Variants in ASB14 observed in about 807,000 individuals in gnomAD.
ASB14 encodes ankyrin repeat and SOCS box containing 14, also known as ankyrin repeat and SOCS box protein 14.
Under a neutral mutation model 55.6 loss-of-function variants are expected in ASB14, and 63 were observed. The ratio of observed to expected loss-of-function variants is 1.13; its 90% CI spans 0.92 to 1.40. The LOEUF is 1.40. Ranked by LOEUF, ASB14 falls within the 40% of genes most tolerant of loss-of-function variation. The probability of loss-of-function intolerance (pLI) is 0.00; values close to 1 mark genes in which losing one functional copy is unlikely to be tolerated. For synonymous variants in ASB14, 256 were observed against 259.9 expected, an observed-to-expected ratio of 0.98 and a Z score of 0.15; for missense variants, 724 against 710.4, an observed-to-expected ratio of 1.02 and a Z score of -0.22.
chr3:57,278,561 C>T lies in ASB14; in HGVS notation c.1247G>A (p.Cys416Tyr), dbSNP rs766847019. 10 of 1,614,080 alleles carry T rather than the reference C, an allele frequency of 6.2e-6. No homozygotes were observed. In the Admixed American group the frequency reaches 6.7e-5, roughly 11 times the overall value. The part of the protein sequence containing the change: ...LRHGANVNYF[C>Y]RVNPLHFPSA... The stretch of plus-strand genomic sequence containing the variant: ...TGGGAAATGTAAAGGGTTAACTCTG[C>T]AGAAGTAATTGACATTGGCCCCATG... The change falls in exon 8 of 11, where the codon TGC becomes TAC. Residue 416 changes from cysteine (C) to tyrosine (Y), a missense_variant. Transcript: ENST00000487349.
At chr3:57,287,087 T>C (rs2061086399) in intron 5 of ASB14, among the ~76,000 whole-genome samples, 1 of 152,244 alleles carries the variant, frequency 6.6e-6, no homozygotes, top group Admixed American at 6.5e-5. Context: ...CCTTTAAATT[T>C]TAGTTTTCCT....
At position 57,292,122 on chromosome 3, in the gene ASB14, T is replaced by A; in HGVS notation, c.-71-18A>T. 2 of 1,240,064 alleles carry A rather than the reference T, an allele frequency of 1.6e-6. No individual in the cohort carries two copies. Among genetic ancestry groups the A allele is most frequent in the South Asian group, 2.5e-5 (1 of 40,616 alleles). 76.8% of individuals were successfully genotyped at this position (1,240,064 alleles called of 1,614,324 possible). A position where few individuals can be genotyped will look rare whatever the true frequency, so the allele number is the denominator to read the frequency against. On this transcript the variant is annotated intron_variant, in intron 1 of 10. Coordinates refer to ENST00000487349, the MANE Select transcript of ASB14 (RefSeq NM_001142733.3). ...GAGATCAACTGCTTAAAATTACAAA[T>A]GAAATTCAGAAATCTAGAAAATTGG...
intron 6 of ASB14, among the ~76,000 whole-genome samples, chr3:57,281,850 T>C (rs1255986967): frequency 6.6e-6 from 1 of 152,146 alleles, no homozygotes; most frequent in Non-Finnish European, 1.5e-5. Context: ...AGGGTGATAA[T>C]GTGATTTGGA....
intron 2 of ASB14, among the ~76,000 whole-genome samples, chr3:57,290,739 T>C (rs960169175): frequency 1.3e-5 from 2 of 152,232 alleles, no homozygotes; most frequent in Non-Finnish European, 1.5e-5. Context: ...CCAACTCTCT[T>C]ATACCTTTCA....
At chr3:57,276,465 T>C (rs2060987452) in intron 10 of ASB14, 63 bp downstream of exon 10, 1 of 1,283,134 alleles carries the variant, frequency 7.8e-7, no homozygotes, top group Non-Finnish European at 1.1e-6. Context: ...AGTTGGTGGG[T>C]AAAGCAAAAA....
intron 7 of ASB14, among the ~76,000 whole-genome samples, chr3:57,279,297 C>T (rs547146384): frequency 2.8e-4 from 23 of 83,364 alleles, no homozygotes; most frequent in East Asian, 9.8e-4. Context: ...TTTTTTGAGA[C>T]GGAGTTTCCT....
chr3:57,276,742 G>A lies in ASB14; in HGVS notation c.1586-14C>T, dbSNP rs376783858. 19 of 1,596,250 alleles carry A rather than the reference G, an allele frequency of 1.2e-5. No homozygotes were observed. Among genetic ancestry groups the A allele is most frequent in the Non-Finnish European group, 1.5e-5 (18 of 1,172,824 alleles). On this transcript the variant is annotated splice_polypyrimidine_tract_variant and intron_variant, in intron 9 of 10. Coordinates refer to ENST00000487349, the MANE Select transcript of ASB14 (RefSeq NM_001142733.3). ...AGCGAGGGTTTGCTAAAAAGAAAAG[G>A]CACATTATCCAAAGAGAAAAAGAAC... is the stretch of plus-strand genomic sequence containing the variant.
intron 10 of ASB14, chr3:57,272,843 C>T (rs2060953255): frequency 6.6e-6 from 1 of 152,204 alleles, no homozygotes; most frequent in African/African-American, 2.4e-5. Context: ...TCATGATCCG[C>T]CCGCCTCGGC....
At chr3:57,291,567 G>A (rs2061130472) in intron 2 of ASB14, among the ~76,000 whole-genome samples, 1 of 152,156 alleles carries the variant, frequency 6.6e-6, no homozygotes, top group African/African-American at 2.4e-5. Flanking sequence ...AACTTTCTAT[G>A]TGTCCCGGTT....
Position 57,268,827 on chromosome 3 carries a change from A to G in ASB14, c.*814T>C, listed in dbSNP as rs1452129959. On this transcript the variant is annotated 3_prime_UTR_variant, in exon 11 of 11. Transcript: ENST00000487349. ...CCTTCTATGGGGGGGAAATAAATAAATATATATGTTATATGAAATATATAA... is the reference window on the plus strand; with the variant it reads ...CCTTCTATGGGGGGGAAATAAATAAGTATATATGTTATATGAAATATATAA... 6.4e-6 allele frequency: 1 copy of G among 156,496 alleles called. No individual in the cohort carries two copies. The highest frequency in any genetic ancestry group is 1.4e-5 in the Non-Finnish European group (1 of 71,046). The allele number at this position is 156,496 out of a possible 1,614,324, so 9.7% of individuals were successfully genotyped here.
chr3:57,288,708 C>CTTTTTTTTTTTTTTTTTTT (rs747854434), intron 3 of ASB14, among the ~76,000 whole-genome samples: 1 of 102,392 alleles, frequency 9.8e-6, no homozygotes, highest in Non-Finnish European at 1.8e-5. Flanking sequence ...CATATCTTTC[C>CTTTTTTTTTTTTTTTTTTT]TTTTTTTTTT....
intron 6 of ASB14, among the ~76,000 whole-genome samples, chr3:57,282,274 G>A (rs2061046340): frequency 6.6e-6 from 1 of 152,152 alleles, no homozygotes; most frequent in African/African-American, 2.4e-5. Flanking sequence ...TAGAATACTG[G>A]AGACCAGGAC....
At position 57,274,513 on chromosome 3, in the gene ASB14, C is replaced by G. The variant is rs185837036; in HGVS notation, c.*22+2015G>C. Among the ~76,000 whole-genome samples the G allele has an allele frequency of 2.6e-3, 398 of 152,098 alleles. 9 individuals are homozygous for G. Among genetic ancestry groups the G allele is most frequent in the Non-Finnish European group, 3.8e-4 (26 of 67,976 alleles). On this transcript the variant is annotated intron_variant, in intron 10 of 10. Transcript: ENST00000487349. The stretch of plus-strand genomic sequence containing the variant: ...CCTGACCAACATGGTGAAACCCCAT[C>G]TCATCTCTACTAAAAATACAAAAAT...
chr3:57,283,136 G>C, intron 6 of ASB14, 58 bp downstream of exon 6: 5 of 1,532,828 alleles, frequency 3.3e-6, no homozygotes, highest in Non-Finnish European at 4.4e-6. Context: ...CCATTAAGAG[G>C]AGAACCCCTG....
chr3:57,286,032 T>TAA (rs2061078525), intron 5 of ASB14, among the ~76,000 whole-genome samples: 1 of 152,242 alleles, frequency 6.6e-6, no homozygotes, highest in Non-Finnish European at 1.5e-5. Context: ...TTTATGTCTT[T>TAA]AATCTACTGT....
rs2060916404 is a variant in ASB14 at position 57,269,092 on chromosome 3, A to T, written c.*549T>A. The stretch of plus-strand genomic sequence containing the variant: ...CTGGCTCTCTGGACAAAGAAGAGGG[A>T]AGTGGCAAAGATGACATTGAAGTGA... On this transcript the variant is annotated 3_prime_UTR_variant, in exon 11 of 11. Transcript: ENST00000487349. 6.3e-6 allele frequency: 1 copy of T among 157,726 alleles called. No individual in the cohort carries two copies. Among genetic ancestry groups the T allele is most frequent in the African/African-American group, 2.4e-5 (1 of 41,466 alleles). 9.8% of individuals were successfully genotyped at this position (157,726 alleles called of 1,614,324 possible).
At chr3:57,289,176 TATCTG>T (rs1441413391) in intron 2 of ASB14, 53 bp from the exon 3 acceptor site, 2 of 1,207,802 alleles carry the variant, frequency 1.7e-6, no homozygotes, top group African/African-American at 3.0e-5. Context: ...AAAAAACTGT[TATCTG>T]ATATAAATCA....
intron 1 of ASB14, among the ~76,000 whole-genome samples, chr3:57,292,413 A>G (rs1028954739): frequency 1.3e-5 from 2 of 152,104 alleles, no homozygotes; most frequent in Admixed American, 6.5e-5. Context: ...ATCCAAAATA[A>G]TATCTTTCCT....
intron 10 of ASB14, chr3:57,269,860 G>C (rs900716143): frequency 4.2e-6 from 3 of 722,108 alleles, no homozygotes; most frequent in Non-Finnish European, 4.3e-6. Flanking sequence ...GGTTTGCATT[G>C]ATCTTTTTTC....
Sources: allele counts gnomAD v4.1 joint callset (sites outside exome capture counted in the v4.1 genomes callset), GRCh38; gene constraint gnomAD v4.1.1; transcripts MANE v1.5; gene names NCBI Gene and HGNC (gene_info 2026-07-23, HGNC 2026-07-21).